ENTREP2: variants seen among roughly 807,000 people sequenced by gnomAD.
ENTREP2 encodes endosomal transmembrane epsin interactor 2.
the ENTREP2 span, among the ~76,000 whole-genome samples, chr15:29,274,505 A>G: frequency 1.3e-5 from 2 of 151,856 alleles, no homozygotes; most frequent in African/African-American, 4.8e-5. Flanking sequence ...CGATACTGAC[A>G]CTCCTCCCGG....
At chr15:29,518,913 C>A in the ENTREP2 span, among the ~76,000 whole-genome samples, 1 of 152,120 alleles carries the variant, frequency 6.6e-6, no homozygotes, top group Non-Finnish European at 1.5e-5. Context: ...AGAGGAACTG[C>A]TAACTCTTTT....
the ENTREP2 span, among the ~76,000 whole-genome samples, chr15:29,153,963 T>C: frequency 6.6e-6 from 1 of 152,222 alleles, no homozygotes; most frequent in Non-Finnish European, 1.5e-5. Flanking sequence ...CATACCACTG[T>C]GCCCAGCTAA....
chr15:29,539,051 G>A, the ENTREP2 span, among the ~76,000 whole-genome samples: 3 of 152,192 alleles, frequency 2.0e-5, no homozygotes, highest in Non-Finnish European at 4.4e-5. Flanking sequence ...CTTCAGTCTG[G>A]ATATGACAAG....
chr15:29,446,354 G>A, the ENTREP2 span, among the ~76,000 whole-genome samples: 1 of 152,210 alleles, frequency 6.6e-6, no homozygotes, highest in Non-Finnish European at 1.5e-5. Flanking sequence ...AAAGAGGTGA[G>A]GGGGGAAGTC....
the ENTREP2 span, chr15:29,123,375 C>T: frequency 6.5e-7 from 1 of 1,543,814 alleles, no homozygotes; most frequent in Non-Finnish European, 8.8e-7. Flanking sequence ...CGAAGACGGC[C>T]TCCTCCTCGA....
chr15:29,374,601 T>G, the ENTREP2 span: 2 of 152,104 alleles, frequency 1.3e-5, no homozygotes, highest in Admixed American at 1.3e-4. Flanking sequence ...GCATTCAGCT[T>G]CTTGAATCTG....
chr15:29,349,503 T>C, the ENTREP2 span, among the ~76,000 whole-genome samples: 1 of 152,208 alleles, frequency 6.6e-6, no homozygotes, highest in African/African-American at 2.4e-5. Flanking sequence ...ATATAAATGA[T>C]ATTGCAATTT....
At chr15:29,515,784 G>C in the ENTREP2 span, among the ~76,000 whole-genome samples, 1 of 152,190 alleles carries the variant, frequency 6.6e-6, no homozygotes, top group African/African-American at 2.4e-5. Flanking sequence ...CAGGTGGCTA[G>C]TACAACTGAT....
chr15:29,523,801 A>C, the ENTREP2 span, among the ~76,000 whole-genome samples: 2 of 152,208 alleles, frequency 1.3e-5, no homozygotes, highest in South Asian at 4.1e-4. Flanking sequence ...CAGTCTTTTC[A>C]ACAAATGGTG....
At chr15:29,447,357 A>T in the ENTREP2 span, among the ~76,000 whole-genome samples, 8 of 152,202 alleles carry the variant, frequency 5.3e-5, no homozygotes, top group African/African-American at 1.7e-4. Context: ...ACTCATAAAA[A>T]ACAGAGTACA....
At chr15:29,468,054 G>A in the ENTREP2 span, among the ~76,000 whole-genome samples, 4 of 152,064 alleles carry the variant, frequency 2.6e-5, no homozygotes, top group African/African-American at 9.7e-5. Context: ...TGGATGGTAC[G>A]TGCCGGACAG....
At chr15:29,667,687 G>A in the ENTREP2 span, among the ~76,000 whole-genome samples, 2 of 152,020 alleles carry the variant, frequency 1.3e-5, no homozygotes, top group South Asian at 4.2e-4. Flanking sequence ...GTAGAGACAA[G>A]GTTTCACCAT....
the ENTREP2 span, among the ~76,000 whole-genome samples, chr15:29,633,727 G>A: frequency 5.9e-5 from 9 of 152,146 alleles, no homozygotes; most frequent in African/African-American, 9.7e-5. Flanking sequence ...TTGGGAGGCC[G>A]ATGTGGGAGG....
the ENTREP2 span, among the ~76,000 whole-genome samples, chr15:29,546,898 CAA>C: frequency 7.3e-5 from 3 of 40,990 alleles, 1 homozygote; most frequent in African/African-American, 6.2e-4. Flanking sequence ...AAAAAAAAAA[CAA>C]CAACAAAAAA....
the ENTREP2 span, among the ~76,000 whole-genome samples, chr15:29,671,416 A>G: frequency 6.6e-6 from 1 of 152,150 alleles, no homozygotes; most frequent in African/African-American, 2.4e-5. Flanking sequence ...AGTACCTAAG[A>G]CTTGGGACTG....
the ENTREP2 span, among the ~76,000 whole-genome samples, chr15:29,398,885 C>A: frequency 6.6e-6 from 1 of 152,080 alleles, no homozygotes; most frequent in Non-Finnish European, 1.5e-5. Flanking sequence ...GATTAGGTTA[C>A]GCTGCCTGAC....
chr15:29,623,566 G>C, the ENTREP2 span, among the ~76,000 whole-genome samples: 2 of 152,284 alleles, frequency 1.3e-5, no homozygotes, highest in East Asian at 3.9e-4. Flanking sequence ...TTGGGCTCTG[G>C]TGGCAGAGAT....
chr15:29,199,213 T>C, the ENTREP2 span, among the ~76,000 whole-genome samples: 1 of 152,206 alleles, frequency 6.6e-6, no homozygotes, highest in South Asian at 2.1e-4. Context: ...TCACCAGCAC[T>C]GTTCGAGGGT....
At chr15:29,668,632 T>A in the ENTREP2 span, among the ~76,000 whole-genome samples, 179 of 152,284 alleles carry the variant, frequency 1.2e-3, no homozygotes, top group South Asian at 1.5e-3. Context: ...TTGAAAACAT[T>A]GCTGGGGCTC....
Sources: gnomAD v4.1 joint callset for allele counts (sites outside exome capture counted in the v4.1 genomes callset) on GRCh38, gnomAD v4.1.1 for gene constraint, MANE v1.5 for transcripts, NCBI Gene and HGNC (gene_info 2026-07-23, HGNC 2026-07-21) for gene names.